The following PGK1 variants were observed in gnomAD, a reference collection of about 807,000 sequenced individuals.
PGK1 encodes PRP 2.
Under a neutral mutation model 26.9 loss-of-function variants are expected in PGK1, and 3 were observed. The observed-to-expected ratio is 0.11, with a 90% confidence interval of 0.05 to 0.29. PGK1 has a LOEUF of 0.29. PGK1 is among the 10% of genes least tolerant of loss of function. PGK1 has a pLI of 1.00. For synonymous variants in PGK1, 125 were observed against 115.3 expected (o/e 1.08, Z -0.54); for missense variants, 270 against 314.7 (o/e 0.86, Z 1.07).
chrX:78,129,229 CTATCTATCTAT>C lies in PGK1; in HGVS notation c.*3400_*3410del, dbSNP rs1569550951. The C allele has an allele frequency of 2.8e-5, 3 of 106,123 alleles. No individual in the cohort carries two copies. Among genetic ancestry groups the C allele is most frequent in the African/African-American group, 1.0e-4 (3 of 29,121 alleles). The allele number at this position is 106,123 out of a possible 1,213,427, so 8.7% of individuals were successfully genotyped here. ...CATACCCATGTGTGTACCTATCTAT[CTATCTATCTAT>C]CTATCTATCTATCTATCTATCTGTA... On this transcript the variant is annotated 3_prime_UTR_variant, in exon 11 of 11. Transcript: ENST00000373316.
At chrX:78,121,596 T>C (rs2078355529) in intron 6 of PGK1, among the ~76,000 whole-genome samples, 1 of 112,563 alleles carries the variant, frequency 8.9e-6, no homozygotes, top group South Asian at 3.6e-4. Context: ...GTTTATTGAA[T>C]GAAGAAGGAA....
At chrX:78,119,437 A>G in intron 6 of PGK1, among the ~76,000 whole-genome samples, 1 of 111,917 alleles carries the variant, frequency 8.9e-6, no homozygotes. Context: ...CAGTCTCTTT[A>G]TGGCTGGAGG....
rs1557248829 is a variant in PGK1, at chrX:78,127,483, G to A, written c.*1653G>A. ...CAGAAATTCTGTGCTGGAAAGATAT[G>A]TATTTCACCTTTAGGGACAAAGAAA... On this transcript the variant is annotated 3_prime_UTR_variant, in exon 11 of 11. Transcript: ENST00000373316. 8.9e-6 allele frequency: 1 copy of A among 112,043 alleles called. No homozygotes were observed. Among genetic ancestry groups the A allele is most frequent in the African/African-American group, 3.2e-5 (1 of 30,783 alleles). The allele number at this position is 112,043 out of a possible 1,213,427, so 9.2% of individuals were successfully genotyped here.
chrX:78,118,442 GGTGGTATGCACCT>G (rs781791098), intron 6 of PGK1, among the ~76,000 whole-genome samples: 146 of 110,460 alleles, frequency 1.3e-3, no homozygotes, highest in African/African-American at 4.6e-3. Flanking sequence ...GCTGGGCGGT[GGTGGTATGCACCT>G]GTGGTCCCAG....
At chrX:78,105,744 A>C (rs1425781753) in intron 1 of PGK1, among the ~76,000 whole-genome samples, 50 of 111,867 alleles carry the variant, frequency 4.5e-4, no homozygotes, top group Admixed American at 4.3e-3. Flanking sequence ...CCAATAATTT[A>C]TGTCCATGAA....
At chrX:78,104,468 C>A in intron 1 of PGK1, 63 bp downstream of exon 1, 1 of 881,585 alleles carries the variant, frequency 1.1e-6, no homozygotes, top group Non-Finnish European at 1.7e-6. Flanking sequence ...TGGCCGGAGC[C>A]GACTTGTTCT....
chrX:78,119,594 T>G (rs1459525856), intron 6 of PGK1, among the ~76,000 whole-genome samples: 10 of 111,800 alleles, frequency 8.9e-5, no homozygotes, highest in African/African-American at 3.3e-4. Context: ...CCAAATCTCA[T>G]CTCGAATTAT....
chrX:78,107,468 C>T (rs2078277541), intron 1 of PGK1, among the ~76,000 whole-genome samples: 1 of 111,900 alleles, frequency 8.9e-6, no homozygotes, highest in African/African-American at 3.3e-5. Context: ...TTCAAAAATA[C>T]TATACAGATT....
intron 6 of PGK1, among the ~76,000 whole-genome samples, chrX:78,120,922 A>AT (rs1200728485): frequency 4.5e-5 from 5 of 112,212 alleles, no homozygotes; most frequent in African/African-American, 6.5e-5. Context: ...ATTTTGGAAT[A>AT]TTTGCATGGT....
At chrX:78,124,770 T>C in intron 8 of PGK1, 104 bp from the exon 9 acceptor site, 1 of 659,459 alleles carries the variant, frequency 1.5e-6, no homozygotes, top group African/African-American at 2.1e-5. Flanking sequence ...TATTTGTTTC[T>C]AGAAGAAACT....
At chrX:78,112,957 T>C (rs6653026) in intron 2 of PGK1, among the ~76,000 whole-genome samples, 1,700 of 111,964 alleles carry the variant, frequency 0.015, 40 homozygotes, top group African/African-American at 0.053. Flanking sequence ...TCCCAAGATT[T>C]TTGTTGGGAA....
intron 7 of PGK1, 114 bp from the exon 8 acceptor site, chrX:78,123,081 T>C (rs2078364315): frequency 1.4e-6 from 1 of 737,898 alleles, no homozygotes; most frequent in Non-Finnish European, 2.1e-6. Flanking sequence ...GGCAAGTCTT[T>C]CGTCTTTGCA....
intron 1 of PGK1, among the ~76,000 whole-genome samples, chrX:78,105,880 G>A (rs782602776): frequency 9.0e-6 from 1 of 111,687 alleles, no homozygotes; most frequent in Non-Finnish European, 1.9e-5. Flanking sequence ...TAAAAAAAGG[G>A]GATAGACCCT....
chrX:78,107,790 C>G (rs2078278832), intron 1 of PGK1, among the ~76,000 whole-genome samples: 1 of 110,739 alleles, frequency 9.0e-6, no homozygotes, highest in South Asian at 3.8e-4. Context: ...TTGAGGTATC[C>G]CCAGACTGTT....
chrX:78,116,066 C>T (rs1438553611), intron 4 of PGK1, among the ~76,000 whole-genome samples: 1 of 108,796 alleles, frequency 9.2e-6, no homozygotes. Context: ...TGCTATGTTG[C>T]CCAGGCTCAT....
chrX:78,124,401 A>G (rs2078372072), intron 8 of PGK1, among the ~76,000 whole-genome samples: 1 of 111,443 alleles, frequency 9.0e-6, no homozygotes, highest in South Asian at 3.8e-4. Context: ...CATGCATGGC[A>G]AAGTTTGAGT....
Position 78,127,756 on chromosome X carries a change from G to A in PGK1, c.*1926G>A, listed in dbSNP as rs2078389450. 8.9e-6 allele frequency: 1 copy of A among 112,068 alleles called. No homozygotes were observed. Among genetic ancestry groups the A allele is most frequent in the Non-Finnish European group, 1.9e-5 (1 of 53,195 alleles). The allele number at this position is 112,068 out of a possible 1,213,427, so 9.2% of individuals were successfully genotyped here. A position where few individuals can be genotyped will look rare whatever the true frequency, so the allele number is the denominator to read the frequency against. ...ACAAAACAGAAATTTGAAAGCTCAAGTTTTTTCTTCATTTGTATTTTAGTT... is the reference window on the plus strand; with the variant it reads ...ACAAAACAGAAATTTGAAAGCTCAAATTTTTTCTTCATTTGTATTTTAGTT... On this transcript the variant is annotated 3_prime_UTR_variant, in exon 11 of 11. Coordinates refer to ENST00000373316, the MANE Select transcript of PGK1 (RefSeq NM_000291.4).
chrX:78,105,387 A>AAGAGT (rs781963781), intron 1 of PGK1, among the ~76,000 whole-genome samples: 9 of 111,945 alleles, frequency 8.0e-5, no homozygotes, highest in Non-Finnish European at 1.1e-4. Context: ...AACAGGATCC[A>AAGAGT]AGAGTGGTGT....
At chrX:78,107,747 C>T (rs2078278686) in intron 1 of PGK1, among the ~76,000 whole-genome samples, 1 of 111,383 alleles carries the variant, frequency 9.0e-6, no homozygotes, top group Non-Finnish European at 1.9e-5. Context: ...CATGGGTAAA[C>T]ACCTAGGAGT....
Sources: allele counts gnomAD v4.1 joint callset (sites outside exome capture counted in the v4.1 genomes callset), GRCh38; gene constraint gnomAD v4.1.1; transcripts MANE v1.5; gene names NCBI Gene and HGNC (gene_info 2026-07-23, HGNC 2026-07-21).